ITFG1: variants seen among roughly 807,000 people sequenced by gnomAD.
The protein encoded by ITFG1 is integrin alpha FG-GAP repeat containing 1.
ITFG1 carries 34 observed loss-of-function variants against 81.8 expected under a neutral mutation model. That is an observed-to-expected ratio of 0.42 (90% confidence interval 0.32 to 0.55). ITFG1 has a LOEUF of 0.55. ITFG1 is among the 20% of genes least tolerant of loss of function. The pLI, the probability that ITFG1 is intolerant of heterozygous loss-of-function variation, is 0.17. For synonymous variants in ITFG1, 285 were observed against 270.6 expected (o/e 1.05, Z -0.52); for missense variants, 672 against 755.4 (o/e 0.89, Z 1.29).
intron 6 of ITFG1, among the ~76,000 whole-genome samples, chr16:47,402,106 C>T (rs13339357): frequency 0.12 from 17,542 of 152,078 alleles, 2,208 homozygotes; most frequent in African/African-American, 0.32. Flanking sequence ...CATAAATATC[C>T]GGTGACTGAA....
chr16:47,459,730 A>G (rs1969501097), intron 1 of ITFG1, among the ~76,000 whole-genome samples: 1 of 152,234 alleles, frequency 6.6e-6, no homozygotes, highest in Non-Finnish European at 1.5e-5. Flanking sequence ...GCACTCATTG[A>G]GACAGACTTT....
rs531161308 is a variant in ITFG1 at position 47,393,092 on chromosome 16, G to A, written c.656-17152C>T. 8.5e-4 allele frequency among the ~76,000 whole-genome samples: 130 copies of A among 152,338 alleles called. 1 individual carries two copies. The highest frequency in any genetic ancestry group is 3.0e-3 in the African/African-American group (124 of 41,582). Reference sequence around the variant, plus strand: ...GATAAATTTGACCAGCTAGTAGAGGGAGGAGAAACAAATATTAAGAGATGC... The same window carrying A: ...GATAAATTTGACCAGCTAGTAGAGGAAGGAGAAACAAATATTAAGAGATGC... On this transcript the variant is annotated intron_variant, in intron 6 of 17. Transcript: ENST00000320640.
intron 12 of ITFG1, among the ~76,000 whole-genome samples, chr16:47,256,063 C>A (rs1029724006): frequency 1.3e-5 from 2 of 152,006 alleles, no homozygotes; most frequent in Non-Finnish European, 2.9e-5. Flanking sequence ...CAACCTCTGC[C>A]TCCCAGGCTC....
chr16:47,347,474 C>CA (rs1439282432), intron 8 of ITFG1, among the ~76,000 whole-genome samples: 2 of 152,238 alleles, frequency 1.3e-5, no homozygotes, highest in Non-Finnish European at 2.9e-5. Flanking sequence ...GATCGAACTG[C>CA]AAGGCAGCAG....
intron 10 of ITFG1, among the ~76,000 whole-genome samples, chr16:47,310,168 CG>C (rs989365172): frequency 1.2e-4 from 18 of 152,160 alleles, no homozygotes; most frequent in Non-Finnish European, 2.4e-4. Context: ...GGAAAGTTAA[CG>C]TACAGACTCT....
At chr16:47,240,534 TG>T (rs751818339) in intron 12 of ITFG1, among the ~76,000 whole-genome samples, 6 of 152,130 alleles carry the variant, frequency 3.9e-5, no homozygotes, top group Non-Finnish European at 7.3e-5. Context: ...ACTGAGCTCA[TG>T]AAAAGATGCG....
At chr16:47,440,984 A>G (rs1207706848) in intron 5 of ITFG1, among the ~76,000 whole-genome samples, 1 of 152,244 alleles carries the variant, frequency 6.6e-6, no homozygotes, top group Non-Finnish European at 1.5e-5. Flanking sequence ...AATAGACGCA[A>G]TAAAAAATGA....
At chr16:47,174,939 A>G (rs1965006763) in intron 14 of ITFG1, among the ~76,000 whole-genome samples, 1 of 152,236 alleles carries the variant, frequency 6.6e-6, no homozygotes, top group Admixed American at 6.5e-5. Context: ...ATAAGATAAA[A>G]GGACACATTC....
At chr16:47,160,601 C>T (rs1279660005) in intron 16 of ITFG1, among the ~76,000 whole-genome samples, 1 of 151,884 alleles carries the variant, frequency 6.6e-6, no homozygotes, top group East Asian at 1.9e-4. Context: ...AAAATCTGAA[C>T]CAGGACTATA....
intron 6 of ITFG1, among the ~76,000 whole-genome samples, chr16:47,410,874 C>G (rs1968801858): frequency 1.3e-5 from 2 of 152,166 alleles, no homozygotes; most frequent in African/African-American, 2.4e-5. Flanking sequence ...GGGACCCATT[C>G]CCCAAGGCTC....
chr16:47,316,635 A>G (rs1191176637), intron 8 of ITFG1, among the ~76,000 whole-genome samples: 1 of 152,240 alleles, frequency 6.6e-6, no homozygotes, highest in Admixed American at 6.5e-5. Flanking sequence ...TAGAAATTGC[A>G]TAAAGCTGTT....
chr16:47,236,401 G>A (rs570116270), intron 13 of ITFG1, among the ~76,000 whole-genome samples: 6 of 151,704 alleles, frequency 4.0e-5, no homozygotes, highest in South Asian at 2.1e-4. Flanking sequence ...CGTGAGCCCC[G>A]GAGGCGGAGC....
chr16:47,334,600 C>G (rs964601508), intron 8 of ITFG1, among the ~76,000 whole-genome samples: 5 of 152,154 alleles, frequency 3.3e-5, no homozygotes, highest in African/African-American at 1.2e-4. Flanking sequence ...GCAAATTACA[C>G]AGTTTTATAT....
chr16:47,453,918 A>G, intron 3 of ITFG1, 95 bp downstream of exon 3: 1 of 809,288 alleles, frequency 1.2e-6, no homozygotes, highest in Non-Finnish European at 1.9e-6. Context: ...TTGACACCCA[A>G]GAACAGTATT....
chr16:47,424,173 T>G (rs1015486795), intron 6 of ITFG1, among the ~76,000 whole-genome samples: 1 of 151,634 alleles, frequency 6.6e-6, no homozygotes, highest in Non-Finnish European at 1.5e-5. Context: ...TTTATTTCAT[T>G]AATTTGATCT....
intron 6 of ITFG1, among the ~76,000 whole-genome samples, chr16:47,423,116 G>C (rs996424890): frequency 2.6e-5 from 4 of 152,140 alleles, no homozygotes; most frequent in African/African-American, 9.7e-5. Flanking sequence ...CCCTGTATTG[G>C]TGCATATATA....
At chr16:47,178,484 C>T (rs886808615) in intron 14 of ITFG1, among the ~76,000 whole-genome samples, 22 of 152,204 alleles carry the variant, frequency 1.4e-4, no homozygotes, top group Non-Finnish European at 3.1e-4. Context: ...GAAAGGATTC[C>T]CTATTTAATA....
chr16:47,426,270 A>G (rs1051407120), intron 6 of ITFG1: 1 of 152,092 alleles, frequency 6.6e-6, no homozygotes, highest in African/African-American at 2.4e-5. Context: ...ACTTAAATGC[A>G]AAGTCAGTAT....
intron 5 of ITFG1, chr16:47,448,591 C>T (rs1389525751): frequency 1.3e-5 from 2 of 148,334 alleles, no homozygotes; most frequent in African/African-American, 2.5e-5. Flanking sequence ...GAACTCAGTA[C>T]GTGAGTCAGA....
Sources: allele counts gnomAD v4.1 joint callset (sites outside exome capture counted in the v4.1 genomes callset), GRCh38; gene constraint gnomAD v4.1.1; transcripts MANE v1.5; gene names NCBI Gene and HGNC (gene_info 2026-07-23, HGNC 2026-07-21).